ZNF804B: variants seen among roughly 807,000 people sequenced by gnomAD.
ZNF804B encodes zinc finger 804B.
In ZNF804B, 80 loss-of-function variants were observed where a neutral mutation model predicts 101.4. That is an observed-to-expected ratio of 0.79 (90% confidence interval 0.66 to 0.95). The LOEUF is 0.95. Ranked by LOEUF, ZNF804B falls within the 40% of genes least tolerant of loss-of-function variation. The pLI is 0.00. For synonymous variants in ZNF804B, 622 were observed against 558.8 expected (o/e 1.11, Z -1.59); for missense variants, 1,673 against 1,561.9 (o/e 1.07, Z -1.20).
At chr7:88,965,533 C>T (rs769716183) in intron 1 of ZNF804B, among the ~76,000 whole-genome samples, 8 of 151,366 alleles carry the variant, frequency 5.3e-5, no homozygotes, top group South Asian at 2.1e-4. Flanking sequence ...TTTCCATTTA[C>T]GTTTGGCTAT....
intron 1 of ZNF804B, among the ~76,000 whole-genome samples, chr7:88,823,783 T>C (rs894110240): frequency 3.3e-5 from 5 of 152,010 alleles, no homozygotes; most frequent in Non-Finnish European, 7.4e-5. Context: ...AAAAGGAAGG[T>C]GTTTGCTTAC....
chr7:88,895,110 ACTGAC>A (rs964681518), intron 1 of ZNF804B, among the ~76,000 whole-genome samples: 1 of 152,214 alleles, frequency 6.6e-6, no homozygotes, highest in African/African-American at 2.4e-5. Flanking sequence ...TTCTTTTTAA[ACTGAC>A]CTAAGTAATT....
intron 1 of ZNF804B, among the ~76,000 whole-genome samples, chr7:88,959,655 TTTATAACGTGTTTGCA>T (rs1793362119): frequency 6.6e-6 from 1 of 151,378 alleles, no homozygotes; most frequent in Non-Finnish European, 1.5e-5. Context: ...CCCTCATAGA[TTTATAACGTGTTTGCA>T]TACTGATAGC....
chr7:88,876,496 A>G (rs73200674), intron 1 of ZNF804B, among the ~76,000 whole-genome samples: 28,320 of 152,000 alleles, frequency 0.19, 2,827 homozygotes, highest in African/African-American at 0.28. Context: ...TCTGTCTGTC[A>G]TTTATTCAGT....
At chr7:89,166,206 T>A (rs1791140514) in intron 1 of ZNF804B, among the ~76,000 whole-genome samples, 1 of 152,162 alleles carries the variant, frequency 6.6e-6, no homozygotes, top group South Asian at 2.1e-4. Context: ...AGTGAATTCC[T>A]GTGCTTCAAG....
At chr7:89,321,480 A>G (rs1170843511) in intron 2 of ZNF804B, among the ~76,000 whole-genome samples, 1 of 152,074 alleles carries the variant, frequency 6.6e-6, no homozygotes, top group East Asian at 1.9e-4. Context: ...CCCCATCTCA[A>G]AAAATAATAA....
At chr7:89,007,543 A>C (rs1788386521) in intron 1 of ZNF804B, among the ~76,000 whole-genome samples, 1 of 88,062 alleles carries the variant, frequency 1.1e-5, no homozygotes, top group Non-Finnish European at 2.3e-5. Context: ...TTATAATTAT[A>C]TATAATATAT....
intron 1 of ZNF804B, among the ~76,000 whole-genome samples, chr7:89,163,137 T>C (rs1562901969): frequency 6.6e-6 from 1 of 152,144 alleles, no homozygotes; most frequent in Non-Finnish European, 1.5e-5. Flanking sequence ...AAGCCAAGTT[T>C]GGTATTGAGT....
At position 89,275,795 on chromosome 7, in the gene ZNF804B, G is replaced by A. The variant is rs1184077581; in HGVS notation, c.250-51549G>A. Among the ~76,000 whole-genome samples, 5 of 151,690 alleles carry A rather than the reference G, an allele frequency of 3.3e-5. 1 individual carries two copies. The highest frequency in any genetic ancestry group is 2.1e-4 in the South Asian group (1 of 4,814). On this transcript the variant is annotated intron_variant, in intron 2 of 3. Coordinates refer to ENST00000333190, the MANE Select transcript of ZNF804B (RefSeq NM_181646.5). ...CTCCCTACAAGAAAGTGAGCTATAG[G>A]AGGATAAAGACTTTTCTTTATCCCA...
Position 88,949,585 on chromosome 7 carries a change from A to G in ZNF804B, c.108+189501A>G, listed in dbSNP as rs138794037. Among the ~76,000 whole-genome samples, 226 of 151,992 alleles carry G rather than the reference A, an allele frequency of 1.5e-3. 2 individuals carry two copies. The highest frequency in any genetic ancestry group is 5.0e-3 in the African/African-American group (207 of 41,516). ...CCTTTAGCAGGGTTTTATAGTTTTT[A>G]TCATATAGAAATTGCAGCTCTATTG... On this transcript the variant is annotated intron_variant, in intron 1 of 3. Transcript: ENST00000333190.
intron 1 of ZNF804B, among the ~76,000 whole-genome samples, chr7:89,104,683 T>A (rs4727197): frequency 0.022 from 3,289 of 152,156 alleles, 48 homozygotes; most frequent in Admixed American, 0.047. Context: ...TACCTTATTT[T>A]TAAATAACCT....
At chr7:89,075,690 G>A (rs1467592669) in intron 1 of ZNF804B, among the ~76,000 whole-genome samples, 2 of 152,104 alleles carry the variant, frequency 1.3e-5, no homozygotes, top group Admixed American at 6.5e-5. Context: ...ATGAGAAGAA[G>A]GCCACAATCC....
intron 1 of ZNF804B, among the ~76,000 whole-genome samples, chr7:88,911,860 T>A (rs983502808): frequency 2.6e-5 from 4 of 151,898 alleles, no homozygotes; most frequent in African/African-American, 9.7e-5. Context: ...GTTATTTATA[T>A]TTATGGAATT....
In ZNF804B at chr7:88,812,571, A is replaced by G. The variant is rs548031608; in HGVS notation, c.108+52487A>G. 6.8e-4 allele frequency among the ~76,000 whole-genome samples: 103 copies of G among 152,340 alleles called. 1 individual carries two copies. Among genetic ancestry groups the G allele is most frequent in the African/African-American group, 1.8e-3 (75 of 41,586 alleles). On this transcript the variant is annotated intron_variant, in intron 1 of 3. Transcript: ENST00000333190. ...AAGAGATATTTGCCCACCCATGTTT[A>G]TACCAGCACTATTCACAATAGCTAA...
Position 89,232,486 on chromosome 7 carries a change from T to C in ZNF804B, c.249+14191T>C, listed in dbSNP as rs149807479. ...AATTCCTGAGTTTCTGTAGAGTTATTATTCATTCTTTAAATGTTTAATAGA... is the reference window on the plus strand; with the variant it reads ...AATTCCTGAGTTTCTGTAGAGTTATCATTCATTCTTTAAATGTTTAATAGA... On this transcript the variant is annotated intron_variant, in intron 2 of 3. Transcript: ENST00000333190. Among the ~76,000 whole-genome samples the C allele has an allele frequency of 1.1e-3, 163 of 152,286 alleles. 1 individual carries two copies. In the East Asian group the frequency reaches 0.019, roughly 17 times the overall value.
At chr7:88,793,984 G>A (rs1023691091) in intron 1 of ZNF804B, 2 of 426,824 alleles carry the variant, frequency 4.7e-6, no homozygotes, top group Admixed American at 3.9e-5. Context: ...GTAAAATAAT[G>A]TATTGAACTT....
intron 1 of ZNF804B, among the ~76,000 whole-genome samples, chr7:89,001,651 C>T (rs913799936): frequency 6.6e-6 from 1 of 151,798 alleles, no homozygotes; most frequent in African/African-American, 2.4e-5. Flanking sequence ...GAAGATGAGG[C>T]TTTGATAATT....
intron 1 of ZNF804B, among the ~76,000 whole-genome samples, chr7:89,081,035 A>G (rs1252209594): frequency 1.3e-5 from 2 of 151,852 alleles, no homozygotes; most frequent in African/African-American, 2.4e-5. Flanking sequence ...TACAGTTGCT[A>G]TTACAAAGCT....
At chr7:88,937,179 T>C (rs1311045911) in intron 1 of ZNF804B, among the ~76,000 whole-genome samples, 1 of 150,190 alleles carries the variant, frequency 6.7e-6, no homozygotes, top group Non-Finnish European at 1.5e-5. Context: ...AAGAAAGATT[T>C]CCCAGGGGTG....
Sources: allele counts gnomAD v4.1 joint callset (sites outside exome capture counted in the v4.1 genomes callset), GRCh38; gene constraint gnomAD v4.1.1; transcripts MANE v1.5; gene names NCBI Gene and HGNC (gene_info 2026-07-23, HGNC 2026-07-21).